ST3GAL3: variants seen among roughly 807,000 people sequenced by gnomAD.
ST3GAL3 encodes the protein CMP-N-acetylneuraminate-beta-1,4-galactoside alpha-2,3-sialyltransferase.
ST3GAL3 carries 21 observed loss-of-function variants against 50.1 expected under a neutral mutation model. The observed-to-expected ratio is 0.42, with a 90% CI of 0.30 to 0.60. The LOEUF is 0.60. Ranked by LOEUF, ST3GAL3 falls within the 20% of genes least tolerant of loss-of-function variation. The pLI is 0.19. For synonymous variants in ST3GAL3, 183 were observed against 190.0 expected (o/e 0.96, Z 0.30); for missense variants, 353 against 489.4 (o/e 0.72, Z 2.63).
intron 4 of ST3GAL3, among the ~76,000 whole-genome samples, chr1:43,821,968 T>G (rs2062160460): frequency 6.6e-6 from 1 of 152,188 alleles, no homozygotes; most frequent in Non-Finnish European, 1.5e-5. Flanking sequence ...CAAAAATTAT[T>G]ATAAATAAAG....
At chr1:43,894,295 T>G in intron 5 of ST3GAL3, 88 bp from the exon 6 acceptor site, 2 of 1,305,624 alleles carry the variant, frequency 1.5e-6, no homozygotes, top group Non-Finnish European at 2.2e-6. Context: ...TTCCAGCAGA[T>G]CCTTTGCCAA....
chr1:43,727,748 A>G (rs1673636367), intron 1 of ST3GAL3, among the ~76,000 whole-genome samples: 1 of 152,126 alleles, frequency 6.6e-6, no homozygotes, highest in Non-Finnish European at 1.5e-5. Flanking sequence ...CCCTTCCCCA[A>G]ACTTCACATT....
At chr1:43,708,807 A>G (rs1405093847) in intron 1 of ST3GAL3, among the ~76,000 whole-genome samples, 2 of 152,234 alleles carry the variant, frequency 1.3e-5, no homozygotes, top group Non-Finnish European at 2.9e-5. Context: ...CGATGAAACA[A>G]GACATTCATG....
At chr1:43,909,394 C>T (rs1338280616) in intron 9 of ST3GAL3, among the ~76,000 whole-genome samples, 1 of 152,230 alleles carries the variant, frequency 6.6e-6, no homozygotes, top group African/African-American at 2.4e-5. Context: ...AGATCATTCT[C>T]CTTGATAAAG....
chr1:43,720,207 C>T (rs762100840), intron 1 of ST3GAL3, among the ~76,000 whole-genome samples: 10 of 152,110 alleles, frequency 6.6e-5, no homozygotes, highest in Admixed American at 1.3e-4. Context: ...CCAGCCTGGA[C>T]CGCAGAGTGA....
At chr1:43,795,698 G>A (rs1572998955) in intron 3 of ST3GAL3, among the ~76,000 whole-genome samples, 1 of 152,260 alleles carries the variant, frequency 6.6e-6, no homozygotes, top group South Asian at 2.1e-4. Context: ...TTAAAAGTAA[G>A]AAAAAGGTTC....
At chr1:43,722,291 G>C (rs1244476793) in intron 1 of ST3GAL3, among the ~76,000 whole-genome samples, 3 of 151,964 alleles carry the variant, frequency 2.0e-5, no homozygotes, top group Non-Finnish European at 2.9e-5. Flanking sequence ...AAGGGCTTCA[G>C]CCTGACATTG....
intron 2 of ST3GAL3, among the ~76,000 whole-genome samples, chr1:43,770,946 A>C (rs1572526748): frequency 6.6e-6 from 1 of 152,216 alleles, no homozygotes. Context: ...AAGGCCCTTC[A>C]TATTCTGATC....
At chr1:43,727,124 C>T (rs1170961937) in intron 1 of ST3GAL3, 1 of 152,034 alleles carries the variant, frequency 6.6e-6, no homozygotes, top group African/African-American at 2.4e-5. Context: ...CTGAATTGCT[C>T]CAGATCTGAC....
intron 2 of ST3GAL3, among the ~76,000 whole-genome samples, chr1:43,768,277 A>C (rs1693850481): frequency 6.6e-6 from 1 of 152,028 alleles, no homozygotes; most frequent in Non-Finnish European, 1.5e-5. Context: ...TCTACAAAAA[A>C]ATTTTTTTTA....
chr1:43,759,337 G>A (rs903352295), intron 2 of ST3GAL3, among the ~76,000 whole-genome samples: 2 of 152,104 alleles, frequency 1.3e-5, no homozygotes, highest in Admixed American at 6.6e-5. Context: ...CCAGCTATTC[G>A]GGAGGCTAAG....
chr1:43,915,801 G>T (rs2081685231), intron 9 of ST3GAL3, among the ~76,000 whole-genome samples: 1 of 152,184 alleles, frequency 6.6e-6, no homozygotes, highest in South Asian at 2.1e-4. Flanking sequence ...ATTTGTACAT[G>T]GAAAATCATT....
In ST3GAL3 at chr1:43,794,588, T is replaced by C. The variant is rs1324126596; in HGVS notation, c.166+2439T>C. 2.6e-5 allele frequency among the ~76,000 whole-genome samples: 4 copies of C among 152,232 alleles called. No individual in the cohort carries two copies. The South Asian group carries it at 6.2e-4, about 24-fold the overall frequency. On this transcript the variant is annotated intron_variant, in intron 3 of 11. Coordinates refer to ENST00000347631, the MANE Select transcript of ST3GAL3 (RefSeq NM_006279.5). ...TATTATCTGCAGAAATGGATGCTTA[T>C]ACATAACAGGACATATATATGCAAG...
chr1:43,741,289 C>A (rs1345430433), intron 2 of ST3GAL3, among the ~76,000 whole-genome samples: 1 of 152,232 alleles, frequency 6.6e-6, no homozygotes, highest in Non-Finnish European at 1.5e-5. Context: ...GCTGTGGTCA[C>A]GCCACTGTAC....
intron 4 of ST3GAL3, among the ~76,000 whole-genome samples, chr1:43,817,989 C>T (rs986797437): frequency 6.6e-6 from 1 of 152,068 alleles, no homozygotes; most frequent in African/African-American, 2.4e-5. Context: ...CCTGCCTCAG[C>T]CTCCTAAAGT....
At chr1:43,814,989 G>A in intron 4 of ST3GAL3, 56 bp downstream of exon 4, 1 of 1,565,634 alleles carries the variant, frequency 6.4e-7, no homozygotes, top group South Asian at 1.1e-5. Flanking sequence ...GTGAGAGCTG[G>A]GTCTCACTTT....
At position 43,737,975 on chromosome 1, in the gene ST3GAL3, A is replaced by G. The variant is rs2154093547; in HGVS notation, c.118+1595A>G. The G allele has an allele frequency of 6.6e-6, 1 of 152,356 alleles. No individual in the cohort carries two copies. Among genetic ancestry groups the G allele is most frequent in the African/African-American group, 2.4e-5 (1 of 41,592 alleles). The allele number at this position is 152,356 out of a possible 1,614,324, so 9.4% of individuals were successfully genotyped here. On this transcript the variant is annotated intron_variant, in intron 2 of 11. Transcript: ENST00000347631. The surrounding 1 kb of genome is among the most constrained non-coding windows in gnomAD (Gnocchi z 4.0). ...CCATTTTCCAGTTGAGCAAACTGAA[A>G]CACTTTAATTTACCAAGGTTATATT... is the stretch of plus-strand genomic sequence containing the variant.
At chr1:43,883,916 TC>T (rs2075565058) in intron 5 of ST3GAL3, among the ~76,000 whole-genome samples, 1 of 152,236 alleles carries the variant, frequency 6.6e-6, no homozygotes, top group South Asian at 2.1e-4. Flanking sequence ...TGCCATTATC[TC>T]CTTTGAGATG....
At chr1:43,799,438 G>A (rs1386871887) in intron 3 of ST3GAL3, among the ~76,000 whole-genome samples, 1 of 152,158 alleles carries the variant, frequency 6.6e-6, no homozygotes, top group Non-Finnish European at 1.5e-5. Context: ...CAGTTCTGAA[G>A]GCTGGGAAGT....
Sources: allele counts gnomAD v4.1 joint callset (sites outside exome capture counted in the v4.1 genomes callset), GRCh38; gene constraint gnomAD v4.1.1; non-coding constraint Gnocchi (gnomAD v3.1); transcripts MANE v1.5; gene names NCBI Gene and HGNC (gene_info 2026-07-23, HGNC 2026-07-21).